The following ADAM23 variants were observed in gnomAD, a reference collection of about 807,000 sequenced individuals.
ADAM23 encodes the protein disintegrin and metalloproteinase domain-containing protein 23.
ADAM23 carries 33 observed loss-of-function variants against 120.1 expected under a neutral mutation model. That is an observed-to-expected ratio of 0.27 (90% CI 0.21 to 0.37). The LOEUF is 0.37. ADAM23 is among the 10% of genes least tolerant of loss of function. The pLI is 1.00. For missense variants in ADAM23, 862 were observed against 1,058.2 expected (o/e 0.81, Z 2.57); for synonymous variants, 367 against 375.2 (o/e 0.98, Z 0.25).
rs150814233 is a variant in ADAM23, at chr2:206,592,746, T to G, written c.2078+10T>G. ...GGGTGATTGACTGCAGGTAACATAT[T>G]AAATATTAGAAGACCTAATAAGCCA... On this transcript the variant is annotated intron_variant, in intron 22 of 25. Transcript: ENST00000264377. 575 of 1,613,572 alleles carry G rather than the reference T, an allele frequency of 3.6e-4. 2 individuals are homozygous for G. The East Asian group carries it at 0.012, about 33-fold the overall frequency.
intron 3 of ADAM23, among the ~76,000 whole-genome samples, chr2:206,512,290 G>A (rs560757356): frequency 1.3e-5 from 2 of 152,168 alleles, no homozygotes; most frequent in African/African-American, 4.8e-5. Context: ...GTTAAGAATT[G>A]TAAGAATGAT....
chr2:206,492,282 A>G (rs1008330757), intron 3 of ADAM23, among the ~76,000 whole-genome samples: 3 of 152,172 alleles, frequency 2.0e-5, no homozygotes, highest in Non-Finnish European at 4.4e-5. Flanking sequence ...TGGTCAGAAA[A>G]GGCTTGAAGG....
intron 2 of ADAM23, among the ~76,000 whole-genome samples, chr2:206,471,978 T>C (rs1695669356): frequency 6.6e-6 from 1 of 152,240 alleles, no homozygotes; most frequent in East Asian, 1.9e-4. Context: ...TAATTCAGTC[T>C]TTCTCCTTAG....
chr2:206,579,212 G>C (rs1219038108), intron 18 of ADAM23, among the ~76,000 whole-genome samples: 1 of 151,836 alleles, frequency 6.6e-6, no homozygotes, highest in Non-Finnish European at 1.5e-5. Context: ...TTTTCCTTTT[G>C]CCATGCAAAA....
intron 3 of ADAM23, among the ~76,000 whole-genome samples, chr2:206,521,993 G>A (rs577956428): frequency 1.3e-4 from 20 of 152,204 alleles, no homozygotes; most frequent in African/African-American, 4.6e-4. Flanking sequence ...TGCTAGTGCA[G>A]CTGTAGGTTG....
At chr2:206,543,403 T>G in intron 6 of ADAM23, 87 bp downstream of exon 6, 1 of 1,150,124 alleles carries the variant, frequency 8.7e-7, no homozygotes, top group Non-Finnish European at 1.3e-6. Context: ...AGTGTAGATT[T>G]CAAAGTGCCT....
intron 3 of ADAM23, among the ~76,000 whole-genome samples, chr2:206,501,301 G>A (rs192883624): frequency 4.6e-4 from 70 of 151,962 alleles, no homozygotes; most frequent in Non-Finnish European, 9.3e-4. Flanking sequence ...TCCAGACTTA[G>A]GTAGCTGATT....
At chr2:206,486,802 A>G (rs184827936) in intron 3 of ADAM23, among the ~76,000 whole-genome samples, 1 of 152,234 alleles carries the variant, frequency 6.6e-6, no homozygotes, top group Admixed American at 6.5e-5. Context: ...TACATTCACA[A>G]AATTTTGCAG....
At chr2:206,585,140 G>C (rs923458894) in intron 18 of ADAM23, among the ~76,000 whole-genome samples, 2 of 152,154 alleles carry the variant, frequency 1.3e-5, no homozygotes. Context: ...TTGCTAGTTT[G>C]TTCTTGCAGT....
intron 7 of ADAM23, 86 bp from the exon 8 acceptor site, chr2:206,548,195 T>C: frequency 8.2e-7 from 1 of 1,224,340 alleles, no homozygotes; most frequent in East Asian, 2.3e-5. Context: ...ATATTATCAG[T>C]GCCACTGTTT....
At chr2:206,573,727 T>C (rs145680423) in intron 18 of ADAM23, among the ~76,000 whole-genome samples, 434 of 152,008 alleles carry the variant, frequency 2.9e-3, no homozygotes, top group African/African-American at 9.9e-3. Flanking sequence ...TGTTGAAAAA[T>C]AGCAACAATG....
intron 9 of ADAM23, among the ~76,000 whole-genome samples, chr2:206,550,663 G>T (rs1410979174): frequency 2.0e-5 from 3 of 149,460 alleles, no homozygotes; most frequent in Non-Finnish European, 4.4e-5. Context: ...GTACAGTGGC[G>T]CGATCTCGGC....
chr2:206,559,882 G>C, intron 10 of ADAM23, 73 bp from the exon 11 acceptor site: 14 of 1,382,944 alleles, frequency 1.0e-5, no homozygotes, highest in Non-Finnish European at 1.4e-5. Context: ...TCCTTCCACT[G>C]ACTCTGACTC....
chr2:206,476,337 C>T (rs1178569924), intron 2 of ADAM23, among the ~76,000 whole-genome samples: 1 of 152,186 alleles, frequency 6.6e-6, no homozygotes, highest in Non-Finnish European at 1.5e-5. Context: ...TTATGTTTCT[C>T]ACACCACCTA....
intron 3 of ADAM23, among the ~76,000 whole-genome samples, chr2:206,530,661 T>G (rs1697038087): frequency 2.1e-5 from 3 of 142,476 alleles, no homozygotes; most frequent in South Asian, 4.5e-4. Flanking sequence ...GGATTGTCTG[T>G]GTCTTGTCTT....
chr2:206,598,916 A>G (rs914478550), intron 24 of ADAM23, among the ~76,000 whole-genome samples: 2 of 149,014 alleles, frequency 1.3e-5, no homozygotes, highest in African/African-American at 2.5e-5. Context: ...TCATCCCCCA[A>G]AAAAGAGGCC....
intron 18 of ADAM23, among the ~76,000 whole-genome samples, chr2:206,583,531 C>A (rs1431114836): frequency 6.6e-6 from 1 of 151,356 alleles, no homozygotes; most frequent in Non-Finnish European, 1.5e-5. Context: ...ACATATCAAA[C>A]CTTCTTGGAG....
In ADAM23 at chr2:206,585,018, C is replaced by T. The variant is rs547694771; in HGVS notation, c.1738-2307C>T. 1.4e-4 allele frequency among the ~76,000 whole-genome samples: 22 copies of T among 152,224 alleles called. 2 individuals are homozygous for T. The South Asian group carries it at 2.7e-3, about 19-fold the overall frequency. On this transcript the variant is annotated intron_variant, in intron 18 of 25. Coordinates refer to ENST00000264377, the MANE Select transcript of ADAM23 (RefSeq NM_003812.4). ...GCAAACAGACCTTCAGCTTCTCCAG[C>T]GGGGGTGTGTGTTCCCACTTCCACA...
chr2:206,606,965 T>A (rs1362734794), intron 24 of ADAM23: 1 of 152,200 alleles, frequency 6.6e-6, no homozygotes, highest in Admixed American at 6.5e-5. Context: ...ATATCAGATA[T>A]GTTTTTCTAT....
Sources: allele counts gnomAD v4.1 joint callset (sites outside exome capture counted in the v4.1 genomes callset), GRCh38; gene constraint gnomAD v4.1.1; transcripts MANE v1.5; gene names NCBI Gene and HGNC (gene_info 2026-07-23, HGNC 2026-07-21).